Variants in XYLT1 observed in about 807,000 individuals in gnomAD.
The protein encoded by XYLT1 is xylosyltransferase 1, also known as beta-D-xylosyltransferase 1.
In XYLT1, 36 loss-of-function variants were observed where a neutral mutation model predicts 91.3. That is an observed-to-expected ratio of 0.39 (90% CI 0.30 to 0.52). The LOEUF (loss-of-function observed/expected upper bound fraction) is 0.52. Ranked by LOEUF, XYLT1 falls within the 20% of genes least tolerant of loss-of-function variation. XYLT1 has a pLI of 0.68. For missense variants in XYLT1, 1,242 were observed against 1,284.5 expected (o/e 0.97, Z 0.51); for synonymous variants, 588 against 532.0 (o/e 1.11, Z -1.45).
At chr16:17,277,999 A>C (rs1212820716) in intron 2 of XYLT1, among the ~76,000 whole-genome samples, 1 of 152,038 alleles carries the variant, frequency 6.6e-6, no homozygotes, top group Non-Finnish European at 1.5e-5. Flanking sequence ...TGACAGGTAA[A>C]AGCTTTGTTT....
chr16:17,189,188 A>C (rs2032254948), intron 5 of XYLT1, among the ~76,000 whole-genome samples: 2 of 152,150 alleles, frequency 1.3e-5, no homozygotes, highest in Admixed American at 1.3e-4. Flanking sequence ...GTGTTGAGAG[A>C]AGGAAGAAGG....
intron 2 of XYLT1, among the ~76,000 whole-genome samples, chr16:17,337,142 C>T (rs1030399794): frequency 7.9e-5 from 12 of 151,992 alleles, no homozygotes; most frequent in Non-Finnish European, 1.8e-4. Context: ...TGCCTTTGTT[C>T]AGTGCAGGGA....
At chr16:17,138,316 C>CATCACTTAG (rs912589780) in intron 8 of XYLT1, 39 bp downstream of exon 8, 1 of 1,586,462 alleles carries the variant, frequency 6.3e-7, no homozygotes, top group Non-Finnish European at 8.6e-7. Context: ...GTTGGGAAGG[C>CATCACTTAG]ATCACTTAGG....
chr16:17,184,305 G>T (rs2032135466), intron 5 of XYLT1, among the ~76,000 whole-genome samples: 1 of 151,320 alleles, frequency 6.6e-6, no homozygotes, highest in Non-Finnish European at 1.5e-5. Context: ...AGAGGAAGGA[G>T]AATTGTGAGA....
Position 17,158,845 on chromosome 16 carries a change from C to T in XYLT1, c.1354G>A (p.Gly452Ser), listed in dbSNP as rs1262510212. 2.5e-6 allele frequency: 4 copies of T among 1,613,966 alleles called. No homozygotes were observed. The highest frequency in any genetic ancestry group is 1.1e-5 in the South Asian group (1 of 91,042). Residue 452 changes from glycine to serine, a missense_variant, in exon 6 of 12, where the codon GGC becomes AGC. Around this residue, in one of 3 missense-constraint regions of XYLT1, gnomAD observed 294 missense variants for 376.0 expected, o/e 0.78. Transcript: ENST00000261381. The part of the protein sequence containing the change: ...YRDMNFLKSH[G>S]RDNARFIRKQ... The stretch of plus-strand genomic sequence containing the variant: ...AGGTGCTACCTTGCATTGTCCCGGC[C>T]GTGTGACTTCAAGAAATTCATATCT...
intron 3 of XYLT1, among the ~76,000 whole-genome samples, chr16:17,200,958 A>G (rs989653161): frequency 8.5e-5 from 13 of 152,230 alleles, no homozygotes; most frequent in African/African-American, 2.9e-4. Flanking sequence ...GGTGAGAGCT[A>G]TAAGAGATGT....
intron 1 of XYLT1, among the ~76,000 whole-genome samples, chr16:17,469,295 G>A (rs998840803): frequency 1.3e-5 from 2 of 152,204 alleles, no homozygotes; most frequent in African/African-American, 4.8e-5. Context: ...CCATCCCCCT[G>A]GTGTCTAATA....
At chr16:17,446,896 G>A (rs1383995962) in intron 1 of XYLT1, among the ~76,000 whole-genome samples, 1 of 148,222 alleles carries the variant, frequency 6.7e-6, no homozygotes, top group African/African-American at 2.7e-5. Context: ...GGGGACTGCA[G>A]CCAAACTCGC....
intron 1 of XYLT1, among the ~76,000 whole-genome samples, chr16:17,453,774 A>G (rs1304293241): frequency 2.6e-5 from 4 of 152,256 alleles, no homozygotes; most frequent in Non-Finnish European, 5.9e-5. Context: ...AGTCAATCAA[A>G]GCAGAAAGTG....
intron 11 of XYLT1, among the ~76,000 whole-genome samples, chr16:17,113,713 G>A (rs1167203550): frequency 6.6e-6 from 1 of 152,204 alleles, no homozygotes; most frequent in Admixed American, 6.5e-5. Context: ...GACAGGGCTT[G>A]CTGAGTTAGG....
intron 1 of XYLT1, among the ~76,000 whole-genome samples, chr16:17,443,440 C>T (rs2036555861): frequency 6.6e-6 from 1 of 152,112 alleles, no homozygotes; most frequent in Non-Finnish European, 1.5e-5. Context: ...CTCACGAGAT[C>T]TGATGGTTTA....
At chr16:17,309,744 G>A (rs1189214323) in intron 2 of XYLT1, among the ~76,000 whole-genome samples, 1 of 152,182 alleles carries the variant, frequency 6.6e-6, no homozygotes, top group Admixed American at 6.5e-5. Context: ...GTCCCAAATG[G>A]TTTAATGCCT....
chr16:17,370,431 A>G (rs535826645), intron 1 of XYLT1, among the ~76,000 whole-genome samples: 1 of 152,340 alleles, frequency 6.6e-6, no homozygotes, highest in South Asian at 2.1e-4. Context: ...TGTATTCAGG[A>G]GAGTAAGTGT....
At position 17,198,390 on chromosome 16, in the gene XYLT1, C is replaced by T; in HGVS notation, c.1111G>A (p.Val371Met). ...CTGTACTGCCTGGAGACCTGGAGCA[C>T]TTGCCGATGCAGGTAATTAGAGCGC... ...DKRSNYLHRQ[V>M]LQVSRQYSNV... is the part of the protein sequence containing the mutation. Residue 371 changes from valine to methionine, a missense_variant, in exon 5 of 12, where the codon GTG becomes ATG. Around this residue, in one of 3 missense-constraint regions of XYLT1, gnomAD observed 294 missense variants for 376.0 expected, o/e 0.78. Coordinates refer to ENST00000261381, the MANE Select transcript of XYLT1 (RefSeq NM_022166.4). 1.2e-6 allele frequency: 2 copies of T among 1,614,168 alleles called. No homozygotes were observed. The highest frequency in any genetic ancestry group is 1.1e-5 in the South Asian group (1 of 91,084).
chr16:17,240,138 T>G (rs1248609677), intron 3 of XYLT1, among the ~76,000 whole-genome samples: 2 of 152,156 alleles, frequency 1.3e-5, no homozygotes, highest in Non-Finnish European at 2.9e-5. Flanking sequence ...GGGTTTAAAC[T>G]CAGATCCAAG....
chr16:17,376,869 G>A (rs1213001843), intron 1 of XYLT1, among the ~76,000 whole-genome samples: 1 of 129,260 alleles, frequency 7.7e-6, no homozygotes, highest in Admixed American at 8.0e-5. Flanking sequence ...ACCAAATGAC[G>A]AATGAACAAG....
intron 1 of XYLT1, among the ~76,000 whole-genome samples, chr16:17,392,280 T>G: frequency 6.6e-6 from 1 of 152,178 alleles, no homozygotes; most frequent in East Asian, 1.9e-4. Flanking sequence ...CATTCCATTC[T>G]CTCTGCCGCC....
chr16:17,300,452 C>CTTTATTTTTTTTTTTTTT (rs1327084226), intron 2 of XYLT1, among the ~76,000 whole-genome samples: 1 of 64,842 alleles, frequency 1.5e-5, no homozygotes, highest in Non-Finnish European at 2.7e-5. Context: ...TTCATTCTTT[C>CTTTATTTTTTTTTTTTTT]TTTTTTTTTT....
At chr16:17,425,814 A>T (rs1243242764) in intron 1 of XYLT1, among the ~76,000 whole-genome samples, 1 of 151,972 alleles carries the variant, frequency 6.6e-6, no homozygotes, top group African/African-American at 2.4e-5. Flanking sequence ...TGCCTACCAA[A>T]TACCTTAAAT....
Sources: allele counts gnomAD v4.1 joint callset (sites outside exome capture counted in the v4.1 genomes callset), GRCh38; gene constraint gnomAD v4.1.1; regional missense constraint gnomAD v4.1.1; transcripts MANE v1.5; gene names NCBI Gene and HGNC (gene_info 2026-07-23, HGNC 2026-07-21).